MAP3K15: variants seen among roughly 807,000 people sequenced by gnomAD.
MAP3K15 encodes the protein mitogen-activated protein kinase kinase kinase 15.
MAP3K15 carries 124 observed loss-of-function variants against 99.5 expected under a neutral mutation model. The ratio of observed to expected loss-of-function variants is 1.25; its 90% confidence interval spans 1.08 to 1.45. The LOEUF is 1.45. MAP3K15 is among the 40% of genes most tolerant of loss of function. The pLI, the probability that MAP3K15 is intolerant of heterozygous loss-of-function variation, is 0.00. For synonymous variants in MAP3K15, 494 were observed against 439.6 expected, an observed-to-expected ratio of 1.12 and a Z score of -1.55; for missense variants, 1,242 against 1,079.7, an observed-to-expected ratio of 1.15 and a Z score of -2.11.
chrX:19,456,333 G>A (rs753849896), intron 6 of MAP3K15, among the ~76,000 whole-genome samples: 1 of 111,615 alleles, frequency 9.0e-6, no homozygotes, highest in Admixed American at 9.6e-5. Flanking sequence ...ACACACAACC[G>A]CATAGATGAA....
chrX:19,437,892 T>C (rs752697875), intron 6 of MAP3K15, among the ~76,000 whole-genome samples: 1 of 111,641 alleles, frequency 9.0e-6, no homozygotes, highest in Non-Finnish European at 1.9e-5. Context: ...GTATACCTCC[T>C]GTGTGGTCCT....
chrX:19,401,239 G>C, intron 13 of MAP3K15, among the ~76,000 whole-genome samples: 1 of 109,210 alleles, frequency 9.2e-6, no homozygotes, highest in Non-Finnish European at 1.9e-5. Flanking sequence ...CTGTCGCCCA[G>C]GCTGGAGTGC....
chrX:19,498,340 G>A (rs1446467990), intron 1 of MAP3K15, among the ~76,000 whole-genome samples: 4 of 111,288 alleles, frequency 3.6e-5, no homozygotes, highest in Non-Finnish European at 7.5e-5. Flanking sequence ...GACATTTACT[G>A]AACACTTACT....
intron 1 of MAP3K15, among the ~76,000 whole-genome samples, chrX:19,505,461 T>C (rs1019459440): frequency 1.8e-5 from 2 of 112,177 alleles, no homozygotes; most frequent in Admixed American, 9.5e-5. Flanking sequence ...AAAGTGGATA[T>C]TCCTCCTCTG....
Position 19,488,846 on chromosome X carries a change from G to A in MAP3K15, c.483C>T (p.Asp161=). The change falls in exon 2 of 29, where the codon GAC becomes GAT. Residue 161 remains aspartate, a synonymous_variant. Transcript: ENST00000338883. ...ACTGTACCTTCAAAGAGAGAGCAGT[G>A]TCGGCATCGGTGTCATGGTACAAGA... ...NVILYHDTDA[D]TALSLKDMVT... 1 of 1,199,207 alleles carries A rather than the reference G, an allele frequency of 8.3e-7. No homozygotes were observed. Among genetic ancestry groups the A allele is most frequent in the Non-Finnish European group, 1.1e-6 (1 of 894,442 alleles).
chrX:19,432,214 C>T (rs926283760), intron 6 of MAP3K15, among the ~76,000 whole-genome samples: 2 of 110,356 alleles, frequency 1.8e-5, no homozygotes, highest in Admixed American at 2.0e-4. Flanking sequence ...ACTTAAGAGT[C>T]ATATCAACTA....
intron 1 of MAP3K15, among the ~76,000 whole-genome samples, chrX:19,493,814 T>C (rs769592767): frequency 3.6e-5 from 4 of 111,215 alleles, no homozygotes; most frequent in African/African-American, 9.8e-5. Flanking sequence ...AAGTACAGCA[T>C]GAACAAGTCA....
intron 6 of MAP3K15, among the ~76,000 whole-genome samples, chrX:19,440,455 G>T (rs1424848696): frequency 8.9e-6 from 1 of 112,562 alleles, no homozygotes; most frequent in Non-Finnish European, 1.9e-5. Flanking sequence ...TGTGAACAAT[G>T]TTCAGAGTCA....
At chrX:19,425,812 T>C in intron 8 of MAP3K15, 122 bp from the exon 9 acceptor site, 2 of 695,699 alleles carry the variant, frequency 2.9e-6, no homozygotes, top group Non-Finnish European at 2.0e-6. Flanking sequence ...TAACTGATTG[T>C]TCCTTTTGAA....
intron 3 of MAP3K15, among the ~76,000 whole-genome samples, chrX:19,470,379 C>T (rs2147372404): frequency 9.1e-6 from 1 of 110,299 alleles, no homozygotes; most frequent in African/African-American, 3.3e-5. Context: ...GGAAGGGGAA[C>T]ATCACACACC....
rs138009109 is a variant in MAP3K15 at position 19,385,643 on chromosome X, C to G, written c.2432-5366G>C. Reference sequence around the variant, plus strand: ...ACTCAAACGACTCTGGAAGGTTAGGCAGAGGAAGCACTATCTACCATTATT... The same window carrying G: ...ACTCAAACGACTCTGGAAGGTTAGGGAGAGGAAGCACTATCTACCATTATT... On this transcript the variant is annotated intron_variant, in intron 18 of 28. Transcript: ENST00000338883. Among the ~76,000 whole-genome samples, 305 of 111,326 alleles carry G rather than the reference C, an allele frequency of 2.7e-3. 2 individuals are homozygous for G. The highest frequency in any genetic ancestry group is 9.2e-3 in the African/African-American group (282 of 30,642).
chrX:19,486,005 T>C (rs1020337058), intron 3 of MAP3K15, among the ~76,000 whole-genome samples: 57 of 112,082 alleles, frequency 5.1e-4, no homozygotes, highest in African/African-American at 1.8e-3. Flanking sequence ...AGTACATAAA[T>C]GGGACAGAAG....
intron 1 of MAP3K15, among the ~76,000 whole-genome samples, chrX:19,502,289 G>A (rs949536644): frequency 9.0e-6 from 1 of 110,701 alleles, no homozygotes; most frequent in Non-Finnish European, 1.9e-5. Flanking sequence ...TAATCCCTAC[G>A]TGTGGAGGGA....
rs749786537 is a variant in MAP3K15 at position 19,425,945 on chromosome X, C to T, written c.1280-255G>A. Among the ~76,000 whole-genome samples the T allele has an allele frequency of 1.4e-3, 149 of 110,368 alleles. 1 individual carries two copies. Among genetic ancestry groups the T allele is most frequent in the African/African-American group, 4.5e-3 (137 of 30,391 alleles). On this transcript the variant is annotated intron_variant, in intron 8 of 28. Coordinates refer to ENST00000338883, the MANE Select transcript of MAP3K15 (RefSeq NM_001001671.4). ...ACCAGCCTGTCCACCATGGTGAAACCCCATCTCTACTAAAAATACAAAAAA... is the reference window on the plus strand; with the variant it reads ...ACCAGCCTGTCCACCATGGTGAAACTCCATCTCTACTAAAAATACAAAAAA...
At chrX:19,438,104 T>C (rs2063934977) in intron 6 of MAP3K15, among the ~76,000 whole-genome samples, 1 of 111,614 alleles carries the variant, frequency 9.0e-6, no homozygotes, top group African/African-American at 3.3e-5. Context: ...CATATTCATC[T>C]ATTATCACTT....
chrX:19,478,279 C>A (rs760539090), intron 3 of MAP3K15, among the ~76,000 whole-genome samples: 12 of 97,402 alleles, frequency 1.2e-4, no homozygotes, highest in African/African-American at 4.6e-4. Flanking sequence ...ATAAAATTCT[C>A]CCTATTATGA....
chrX:19,446,868 TATTTA>T (rs909844358), intron 6 of MAP3K15, among the ~76,000 whole-genome samples: 1 of 111,004 alleles, frequency 9.0e-6, no homozygotes, highest in African/African-American at 3.3e-5. Context: ...TTAAAAAAAT[TATTTA>T]TTTATATATT....
At chrX:19,413,661 T>A (rs776599526) in intron 10 of MAP3K15, among the ~76,000 whole-genome samples, 197 bp from the exon 11 acceptor site, 36 of 58,373 alleles carry the variant, frequency 6.2e-4, no homozygotes, top group African/African-American at 2.9e-3. Flanking sequence ...GGACAACATA[T>A]TGAGATGCCA....
chrX:19,436,800 C>T (rs2063925602), intron 6 of MAP3K15, among the ~76,000 whole-genome samples: 1 of 111,659 alleles, frequency 9.0e-6, no homozygotes, highest in African/African-American at 3.3e-5. Flanking sequence ...GCCTCAGCCT[C>T]CCAAGTAGCT....
Sources: gnomAD v4.1 joint callset for allele counts (sites outside exome capture counted in the v4.1 genomes callset) on GRCh38, gnomAD v4.1.1 for gene constraint, MANE v1.5 for transcripts, NCBI Gene and HGNC (gene_info 2026-07-23, HGNC 2026-07-21) for gene names.